KCNE1: variants seen among roughly 807,000 people sequenced by gnomAD.
The protein encoded by KCNE1 is potassium voltage-gated channel subfamily E regulatory subunit 1, also known as potassium voltage-gated channel subfamily E member 1.
In KCNE1, 1 loss-of-function variant was observed where a neutral mutation model predicts 2.9. That is an observed-to-expected ratio of 0.34 (90% CI 0.12 to 1.62). KCNE1 has a LOEUF of 1.62. Among genes scored for constraint, KCNE1 ranks in the 40% most tolerant of loss-of-function variants. The pLI is 0.36. For synonymous variants in KCNE1, 23 were observed against 65.4 expected (o/e 0.35, Z 3.13); for missense variants, 45 against 150.5 (o/e 0.30, Z 3.67).
At chr21:34,503,653 C>T (rs1983302531) in intron 2 of KCNE1, among the ~76,000 whole-genome samples, 1 of 152,190 alleles carries the variant, frequency 6.6e-6, no homozygotes, top group Non-Finnish European at 1.5e-5. Flanking sequence ...ATACAAAAGA[C>T]ACTCATCACT....
In KCNE1 at chr21:34,497,954, G is replaced by A. The variant is rs181566252; in HGVS notation, c.-162+13147C>T. Among the ~76,000 whole-genome samples, 48 of 151,324 alleles carry A rather than the reference G, an allele frequency of 3.2e-4. 1 individual carries two copies. The highest frequency in any genetic ancestry group is 2.4e-3 in the Admixed American group (37 of 15,194). On this transcript the variant is annotated intron_variant, in intron 2 of 3. Transcript: ENST00000399286. Reference sequence around the variant, plus strand: ...TGCCTTCGAGCTCTGAAGTTCTTTCGTCTGCTTGTTCTAATCTATTGTTGA... The same window carrying A: ...TGCCTTCGAGCTCTGAAGTTCTTTCATCTGCTTGTTCTAATCTATTGTTGA...
chr21:34,501,887 A>T (rs41314835), intron 2 of KCNE1, among the ~76,000 whole-genome samples: 1 of 152,188 alleles, frequency 6.6e-6, no homozygotes, highest in Non-Finnish European at 1.5e-5. Flanking sequence ...CACCTCAGCT[A>T]CACTCTGGAC....
chr21:34,502,586 C>T lies in KCNE1; in HGVS notation c.-162+8515G>A, dbSNP rs536016914. Among the ~76,000 whole-genome samples the T allele has an allele frequency of 5.3e-5, 8 of 152,314 alleles. No individual in the cohort carries two copies. The East Asian group carries it at 5.8e-4, about 11-fold the overall frequency. ...CTCTTGTGCCTACCTGGATGGAGCT[C>T]ACCTTGGGCTATGATTAGGAGAGCC... On this transcript the variant is annotated intron_variant, in intron 2 of 3. Coordinates refer to ENST00000399286, the MANE Select transcript of KCNE1 (RefSeq NM_000219.6).
At chr21:34,505,064 T>G (rs1983399540) in intron 2 of KCNE1, among the ~76,000 whole-genome samples, 2 of 152,210 alleles carry the variant, frequency 1.3e-5, no homozygotes, top group African/African-American at 4.8e-5. Context: ...ATTGTATACA[T>G]GCAAGTTATA....
intron 2 of KCNE1, among the ~76,000 whole-genome samples, chr21:34,507,380 GGA>G (rs1983561534): frequency 6.6e-6 from 1 of 152,164 alleles, no homozygotes; most frequent in African/African-American, 2.4e-5. Context: ...CAGGAAGCTT[GGA>G]GGGGAAAACG....
intron 2 of KCNE1, among the ~76,000 whole-genome samples, chr21:34,497,367 G>C (rs1292725058): frequency 6.6e-6 from 1 of 152,178 alleles, no homozygotes; most frequent in Admixed American, 6.5e-5. Context: ...TTCTTGTGGT[G>C]CTGGCTTGGG....
intron 2 of KCNE1, among the ~76,000 whole-genome samples, chr21:34,495,769 C>A (rs1489571695): frequency 6.6e-6 from 1 of 152,060 alleles, no homozygotes; most frequent in Non-Finnish European, 1.5e-5. Flanking sequence ...CTTCTCTCTC[C>A]TTTTCTTGGT....
At chr21:34,497,144 T>C (rs959282097) in intron 2 of KCNE1, among the ~76,000 whole-genome samples, 2 of 152,234 alleles carry the variant, frequency 1.3e-5, no homozygotes, top group East Asian at 1.9e-4. Flanking sequence ...AAGTGGAGCA[T>C]TTAAGCCATT....
At chr21:34,505,253 C>T (rs1024661864) in intron 2 of KCNE1, among the ~76,000 whole-genome samples, 9 of 152,154 alleles carry the variant, frequency 5.9e-5, no homozygotes, top group Non-Finnish European at 1.2e-4. Flanking sequence ...TCTGCCTCAG[C>T]CTCCCAAGTA....
At chr21:34,501,295 G>A (rs1173799252) in intron 2 of KCNE1, among the ~76,000 whole-genome samples, 1 of 152,168 alleles carries the variant, frequency 6.6e-6, no homozygotes, top group African/African-American at 2.4e-5. Context: ...AAGGAAAACT[G>A]ATAGAAAAAG....
intron 2 of KCNE1, among the ~76,000 whole-genome samples, chr21:34,500,868 C>A (rs1983126332): frequency 6.6e-6 from 1 of 152,142 alleles, no homozygotes; most frequent in Non-Finnish European, 1.5e-5. Context: ...CCATAATTCA[C>A]TCAAATTCAT....
intron 2 of KCNE1, among the ~76,000 whole-genome samples, chr21:34,501,527 TAA>T (rs914138569): frequency 1.3e-5 from 2 of 152,224 alleles, no homozygotes; most frequent in Non-Finnish European, 2.9e-5. Flanking sequence ...AGTTGTCTGA[TAA>T]AGAGTATGAT....
chr21:34,499,322 G>A (rs1258863074), intron 2 of KCNE1, among the ~76,000 whole-genome samples: 1 of 152,198 alleles, frequency 6.6e-6, no homozygotes, highest in Non-Finnish European at 1.5e-5. Flanking sequence ...CTTCCCTGCT[G>A]AGAAAGCAAG....
chr21:34,497,246 G>GT (rs1322491995), intron 2 of KCNE1, among the ~76,000 whole-genome samples: 1 of 151,944 alleles, frequency 6.6e-6, no homozygotes, highest in Non-Finnish European at 1.5e-5. Flanking sequence ...GTTGTTGTTT[G>GT]TTTTTTCTAT....
At chr21:34,507,970 TTTA>T (rs1190901604) in intron 2 of KCNE1, among the ~76,000 whole-genome samples, 1 of 152,194 alleles carries the variant, frequency 6.6e-6, no homozygotes, top group Admixed American at 6.5e-5. Context: ...TGGAAGAACA[TTTA>T]TGAGGTGATT....
At chr21:34,501,702 A>G (rs1983178238) in intron 2 of KCNE1, among the ~76,000 whole-genome samples, 1 of 152,144 alleles carries the variant, frequency 6.6e-6, no homozygotes, top group Non-Finnish European at 1.5e-5. Context: ...GTTGATAGAC[A>G]AAACAAAGCT....
intron 2 of KCNE1, among the ~76,000 whole-genome samples, chr21:34,508,963 A>C (rs1391132890): frequency 6.6e-6 from 1 of 152,376 alleles, no homozygotes; most frequent in African/African-American, 2.4e-5. Flanking sequence ...CTAAAAATGT[A>C]GTGGTATAAA....
intron 2 of KCNE1, among the ~76,000 whole-genome samples, chr21:34,509,084 C>T (rs1326778091): frequency 2.6e-5 from 4 of 152,218 alleles, no homozygotes; most frequent in Admixed American, 2.6e-4. Context: ...TCTCGGTTTC[C>T]ATGGGTCAGA....
chr21:34,508,088 G>A (rs532242993), intron 2 of KCNE1, among the ~76,000 whole-genome samples: 20 of 151,854 alleles, frequency 1.3e-4, no homozygotes, highest in African/African-American at 4.6e-4. Flanking sequence ...GTGCAGTGGT[G>A]CAATCTCAGC....
Sources: gnomAD v4.1 joint callset for allele counts (sites outside exome capture counted in the v4.1 genomes callset) on GRCh38, gnomAD v4.1.1 for gene constraint, MANE v1.5 for transcripts, NCBI Gene and HGNC (gene_info 2026-07-23, HGNC 2026-07-21) for gene names.